DAB1: variants seen among roughly 807,000 people sequenced by gnomAD.
DAB1 encodes the protein disabled homolog 1.
Under a neutral mutation model 64.6 loss-of-function variants are expected in DAB1, and 15 were observed. The ratio of observed to expected loss-of-function variants is 0.23; its 90% CI spans 0.16 to 0.36. The LOEUF (loss-of-function observed/expected upper bound fraction) is 0.36. Ranked by LOEUF, DAB1 falls within the 10% of genes least tolerant of loss-of-function variation. The pLI is 1.00. For missense variants in DAB1, 596 were observed against 706.7 expected (o/e 0.84, Z 1.78); for synonymous variants, 235 against 251.9 (o/e 0.93, Z 0.64).
chr1:57,118,520 C>T (rs1360573571), intron 4 of DAB1, among the ~76,000 whole-genome samples: 1 of 152,064 alleles, frequency 6.6e-6, no homozygotes, highest in Non-Finnish European at 1.5e-5. Context: ...GCCTTCTATG[C>T]TAAAAAAGTC....
At position 57,507,884 on chromosome 1, in the gene DAB1, C is replaced by G. The variant is rs138775105; in HGVS notation, n.625+141708G>C. ...ATACCCCCTCCCCATACTTTTAAAT[C>G]TGATTCCAATAAATTTCTACCACAA... On this transcript the variant is annotated intron_variant and non_coding_transcript_variant, in intron 7 of 20. Coordinates refer to the DAB1 transcript ENST00000485760. 1.4e-3 allele frequency among the ~76,000 whole-genome samples: 219 copies of G among 152,280 alleles called. 2 individuals carry two copies. The highest frequency in any genetic ancestry group is 0.014 in the Middle Eastern group (4 of 294).
At chr1:58,031,001 G>A (rs568538838) in intron 5 of DAB1, among the ~76,000 whole-genome samples, 50 of 152,296 alleles carry the variant, frequency 3.3e-4, no homozygotes, top group African/African-American at 1.1e-3. Flanking sequence ...CTCCAGGTAC[G>A]AAGTTCTTCT....
At chr1:57,014,860 T>C (rs770814568) in intron 12 of DAB1, 23 bp downstream of exon 12, 2 of 1,523,176 alleles carry the variant, frequency 1.3e-6, no homozygotes, top group South Asian at 2.6e-5. Flanking sequence ...TTGGGTTTTA[T>C]GTCTTAAGTG....
At chr1:58,451,572 AG>A (rs1299031296) in intron 3 of DAB1, among the ~76,000 whole-genome samples, 2 of 152,246 alleles carry the variant, frequency 1.3e-5, no homozygotes, top group Admixed American at 6.5e-5. Context: ...TGTGAACATC[AG>A]GGGAAAATGG....
intron 4 of DAB1, among the ~76,000 whole-genome samples, chr1:57,113,900 C>G (rs1272518180): frequency 2.6e-5 from 4 of 152,162 alleles, no homozygotes; most frequent in Non-Finnish European, 4.4e-5. Flanking sequence ...TACCACTACT[C>G]CTGAGGACTA....
intron 5 of DAB1, among the ~76,000 whole-genome samples, chr1:57,907,785 T>A (rs993275137): frequency 3.3e-5 from 5 of 151,962 alleles, no homozygotes; most frequent in Non-Finnish European, 5.9e-5. Flanking sequence ...TGGGGATACA[T>A]GCTCTGAGAA....
intron 1 of DAB1, chr1:58,534,138 G>A (rs369333392): frequency 3.1e-5 from 27 of 868,442 alleles, no homozygotes; most frequent in East Asian, 2.4e-4. Flanking sequence ...ATTACAATGC[G>A]TTTGAGAACA....
intron 3 of DAB1, among the ~76,000 whole-genome samples, chr1:58,375,520 A>G (rs1644315512): frequency 6.8e-6 from 1 of 146,628 alleles, no homozygotes; most frequent in Admixed American, 6.8e-5. Flanking sequence ...CTTGCATCCC[A>G]GGGATGAAGC....
intron 4 of DAB1, among the ~76,000 whole-genome samples, chr1:58,198,807 T>G (rs1170817911): frequency 6.6e-6 from 1 of 152,146 alleles, no homozygotes. Context: ...CTTGGATGAA[T>G]TTAAAGGATA....
chr1:57,949,566 A>T (rs972690395), intron 5 of DAB1, among the ~76,000 whole-genome samples: 19 of 127,072 alleles, frequency 1.5e-4, no homozygotes, highest in Admixed American at 6.1e-4. Flanking sequence ...ACACACACAC[A>T]ATATATATAT....
At chr1:57,021,901 G>T (rs1473487437) in intron 11 of DAB1, among the ~76,000 whole-genome samples, 1 of 152,028 alleles carries the variant, frequency 6.6e-6, no homozygotes, top group African/African-American at 2.4e-5. Context: ...ATGTCACCTA[G>T]GCAAGAGCCC....
chr1:57,910,950 T>G (rs576181967), intron 5 of DAB1, among the ~76,000 whole-genome samples: 2 of 152,294 alleles, frequency 1.3e-5, no homozygotes, highest in East Asian at 1.9e-4. Context: ...GGGGCAGATG[T>G]GAGGCTTAAA....
chr1:57,362,679 C>T (rs1679651429), intron 1 of DAB1, among the ~76,000 whole-genome samples: 1 of 152,096 alleles, frequency 6.6e-6, no homozygotes, highest in Admixed American at 6.6e-5. Context: ...CTTTAAACTA[C>T]ACAGCAGGCC....
intron 6 of DAB1, among the ~76,000 whole-genome samples, chr1:57,785,523 GA>G (rs1418787638): frequency 3.3e-5 from 5 of 152,162 alleles, no homozygotes; most frequent in Non-Finnish European, 5.9e-5. Flanking sequence ...GAGTTTGGAA[GA>G]AGTTGATTCC....
At chr1:57,466,026 A>G (rs1183858326) in intron 7 of DAB1, among the ~76,000 whole-genome samples, 3 of 152,184 alleles carry the variant, frequency 2.0e-5, no homozygotes, top group Admixed American at 1.3e-4. Flanking sequence ...GCTCTCTTTA[A>G]TAGCTAGGAG....
At chr1:57,618,410 CAAAAAA>C (rs11284763) in intron 7 of DAB1, among the ~76,000 whole-genome samples, 151 of 119,800 alleles carry the variant, frequency 1.3e-3, no homozygotes, top group African/African-American at 4.0e-3. Context: ...GTGAGACTGT[CAAAAAA>C]AAAAAAAAAA....
At chr1:57,675,601 T>C (rs568902454) in intron 6 of DAB1, among the ~76,000 whole-genome samples, 6 of 152,188 alleles carry the variant, frequency 3.9e-5, no homozygotes, top group Non-Finnish European at 8.8e-5. Context: ...AAATGAAGCA[T>C]TGATAATGAA....
chr1:58,543,801 A>C (rs891051054), intron 1 of DAB1, among the ~76,000 whole-genome samples: 2 of 152,248 alleles, frequency 1.3e-5, no homozygotes, highest in Admixed American at 1.3e-4. Flanking sequence ...AGAGGTGGCA[A>C]ACTCAAACGT....
intron 14 of DAB1, among the ~76,000 whole-genome samples, chr1:56,998,869 T>C (rs1240539460): frequency 6.6e-6 from 1 of 152,148 alleles, no homozygotes; most frequent in East Asian, 1.9e-4. Flanking sequence ...CACACCTAGA[T>C]AGGAAACAGC....
Sources: gnomAD v4.1 joint callset for allele counts (sites outside exome capture counted in the v4.1 genomes callset) on GRCh38, gnomAD v4.1.1 for gene constraint, MANE v1.5 for transcripts, NCBI Gene and HGNC (gene_info 2026-07-23, HGNC 2026-07-21) for gene names.